The following KLC1 variants were observed in gnomAD, a reference collection of about 807,000 sequenced individuals.
KLC1 encodes kinesin 2 60/70kDa.
A neutral mutation model predicts 84.2 loss-of-function variants in KLC1; 30 were observed. The ratio of observed to expected loss-of-function variants is 0.36; its 90% CI spans 0.27 to 0.48. The LOEUF is 0.48. KLC1 is among the 20% of genes least tolerant of loss of function. The pLI, the probability that KLC1 is intolerant of heterozygous loss-of-function variation, is 0.99. For synonymous variants in KLC1, 289 were observed against 293.3 expected (o/e 0.99, Z 0.15); for missense variants, 499 against 805.4 (o/e 0.62, Z 4.60).
chr14:103,638,059 G>A (rs186617706), intron 1 of KLC1, among the ~76,000 whole-genome samples: 3 of 152,150 alleles, frequency 2.0e-5, no homozygotes, highest in Admixed American at 2.0e-4. Context: ...TTCACCTCAG[G>A]ACCCTCTTTG....
chr14:103,661,731 C>T (rs1437234777), intron 3 of KLC1, among the ~76,000 whole-genome samples: 1 of 152,186 alleles, frequency 6.6e-6, no homozygotes, highest in East Asian at 1.9e-4. Flanking sequence ...CCCTCCACTT[C>T]TCTGGGGATC....
intron 12 of KLC1, 181 bp from the exon 13 acceptor site, chr14:103,679,203 T>G: frequency 1.4e-6 from 1 of 720,196 alleles, no homozygotes; most frequent in Non-Finnish European, 2.3e-6. Flanking sequence ...TGAGGGGTCC[T>G]TTGTGTTTCC....
intron 1 of KLC1, among the ~76,000 whole-genome samples, chr14:103,646,623 A>G (rs1468896473): frequency 6.6e-6 from 1 of 152,060 alleles, no homozygotes; most frequent in African/African-American, 2.4e-5. Context: ...CTTTATGCCT[A>G]GCTAATTTTT....
intron 15 of KLC1, chr14:103,700,171 G>T: frequency 4.9e-6 from 1 of 203,676 alleles, no homozygotes; most frequent in Admixed American, 5.3e-5. Context: ...GGTCAGGATG[G>T]GGCTGTAGGT....
At chr14:103,692,314 G>C in intron 14 of KLC1, 45 bp from the exon 15 acceptor site, 1 of 1,519,682 alleles carries the variant, frequency 6.6e-7, no homozygotes, top group South Asian at 1.2e-5. Flanking sequence ...CTGGTTGACC[G>C]ATGTGCTGAT....
chr14:103,677,560 A>C, intron 12 of KLC1, 37 bp downstream of exon 12: 1 of 1,194,404 alleles, frequency 8.4e-7, no homozygotes, highest in African/African-American at 1.5e-5. Context: ...GCCCATGGGA[A>C]CTTTGAATTG....
At chr14:103,654,854 C>T (rs776050777) in intron 2 of KLC1, 29 bp downstream of exon 2, 11 of 1,590,030 alleles carry the variant, frequency 6.9e-6, no homozygotes, top group Non-Finnish European at 7.7e-6. Context: ...CAGACGTTAT[C>T]AGGAACTTTT....
chr14:103,638,468 A>G (rs1244111450), intron 1 of KLC1, among the ~76,000 whole-genome samples: 1 of 151,282 alleles, frequency 6.6e-6, no homozygotes, highest in African/African-American at 2.4e-5. Context: ...GTTTTGTGCA[A>G]CTACCATCTA....
intron 14 of KLC1, among the ~76,000 whole-genome samples, chr14:103,688,398 G>A (rs934202892): frequency 2.0e-5 from 3 of 152,044 alleles, no homozygotes; most frequent in East Asian, 1.9e-4. Context: ...TGATCTTCCC[G>A]TCTCGGCCTC....
intron 2 of KLC1, among the ~76,000 whole-genome samples, chr14:103,655,305 A>G (rs1237686254): frequency 2.6e-5 from 4 of 150,964 alleles, no homozygotes; most frequent in African/African-American, 4.8e-5. Flanking sequence ...TCAGAATTGT[A>G]TTGATTGATT....
intron 15 of KLC1, chr14:103,699,060 G>GC (rs1480901840): frequency 1.3e-6 from 2 of 1,563,842 alleles, no homozygotes; most frequent in East Asian, 4.8e-5. Flanking sequence ...AGGCTTGGTG[G>GC]CCCCGCCCAC....
intron 1 of KLC1, among the ~76,000 whole-genome samples, chr14:103,649,183 G>C (rs981688520): frequency 3.3e-5 from 5 of 151,934 alleles, no homozygotes; most frequent in Non-Finnish European, 7.4e-5. Context: ...TATACTCCTA[G>C]CTCCTTGGGA....
At chr14:103,678,797 C>T (rs1029079687) in intron 12 of KLC1, among the ~76,000 whole-genome samples, 11 of 151,958 alleles carry the variant, frequency 7.2e-5, no homozygotes, top group Admixed American at 7.2e-4. Context: ...AAAAAGACAA[C>T]CCAGTTAAAA....
chr14:103,692,254 C>T, intron 14 of KLC1, 105 bp from the exon 15 acceptor site: 2 of 1,011,728 alleles, frequency 2.0e-6, no homozygotes, highest in East Asian at 2.6e-5. Flanking sequence ...TCCCTAGAGC[C>T]CCCAGTGTCA....
intron 9 of KLC1, among the ~76,000 whole-genome samples, chr14:103,675,258 G>GA (rs2080781280): frequency 6.6e-6 from 1 of 152,162 alleles, no homozygotes; most frequent in Non-Finnish European, 1.5e-5. Flanking sequence ...CCAGGAGCTG[G>GA]AGGTTGCAGC....
chr14:103,673,274 A>G, intron 8 of KLC1, 58 bp from the exon 9 acceptor site: 1 of 1,554,140 alleles, frequency 6.4e-7, no homozygotes, highest in Non-Finnish European at 8.7e-7. Flanking sequence ...GGAGATTAAA[A>G]TGTATGCTTT....
chr14:103,631,918 A>G (rs2076719272), intron 1 of KLC1, among the ~76,000 whole-genome samples: 1 of 152,188 alleles, frequency 6.6e-6, no homozygotes, highest in Non-Finnish European at 1.5e-5. Flanking sequence ...TATTTTATGT[A>G]GCAAAGAAAT....
Position 103,654,696 on chromosome 14 carries a change from C to T in KLC1, c.132C>T (p.Ser44=). ...GLEALKNEHN[S]ILQSLLETLK... is the part of the protein sequence containing the mutation. ...AAGCTTTGAAGAATGAGCACAATTC[C>T]ATTTTACAAAGTTTGCTGGAGACAC... The change falls in exon 2 of 17, where the codon TCC becomes TCT. Residue 44 remains serine (S), a synonymous_variant. Transcript: ENST00000334553. 6.2e-7 allele frequency: 1 copy of T among 1,614,124 alleles called. No homozygotes were observed.
At position 103,657,577 on chromosome 14, in the gene KLC1, C is replaced by A; in HGVS notation, c.293C>A (p.Ala98Asp). ...VMMALSNHLN[A>D]VESEKQKLRA... ...ATGGCTTTGTCAAATCACCTGAATGCTGTGGAGTCCGAGAAGCAGAAACTG... is the reference window on the plus strand; with the variant it reads ...ATGGCTTTGTCAAATCACCTGAATGATGTGGAGTCCGAGAAGCAGAAACTG... Residue 98 changes from alanine (A) to aspartate (D), a missense_variant, in exon 3 of 17, where the codon GCT becomes GAT. Ala to Asp is a moderately radical substitution (Grantham distance 126, BLOSUM62 -2). Around this residue, in one of 3 missense-constraint regions of KLC1, gnomAD observed 179 missense variants for 264.2 expected, o/e 0.68. Transcript: ENST00000334553. 6.2e-7 allele frequency: 1 copy of A among 1,614,174 alleles called. No individual in the cohort carries two copies. Among genetic ancestry groups the A allele is most frequent in the Non-Finnish European group, 8.5e-7 (1 of 1,180,030 alleles).
Sources: gnomAD v4.1 joint callset for allele counts (sites outside exome capture counted in the v4.1 genomes callset) on GRCh38, gnomAD v4.1.1 for gene constraint, gnomAD v4.1.1 regional missense constraint, MANE v1.5 for transcripts, NCBI Gene and HGNC (gene_info 2026-07-23, HGNC 2026-07-21) for gene names.